FAM227A: variants seen among roughly 807,000 people sequenced by gnomAD.
FAM227A encodes protein FAM227A.
A neutral mutation model predicts 74.7 loss-of-function variants in FAM227A; 80 were observed. That is an observed-to-expected ratio of 1.07 (90% CI 0.89 to 1.29). The LOEUF (loss-of-function observed/expected upper bound fraction) is 1.29, where lower values mean the gene tolerates loss of function less well. FAM227A is among the 50% of genes most tolerant of loss of function. The probability of loss-of-function intolerance (pLI) is 0.00; values close to 1 mark genes in which losing one functional copy is unlikely to be tolerated. For missense variants in FAM227A, 654 were observed against 683.4 expected (o/e 0.96, Z 0.48); for synonymous variants, 237 against 241.8 (o/e 0.98, Z 0.19).
chr22:38,588,705 G>A (rs1384295010), intron 16 of FAM227A, among the ~76,000 whole-genome samples: 4 of 148,918 alleles, frequency 2.7e-5, no homozygotes, highest in Non-Finnish European at 5.9e-5. Flanking sequence ...GGTGGATCAC[G>A]AGGTCAGGAG....
chr22:38,626,336 C>G lies in FAM227A; in HGVS notation c.727-33G>C, dbSNP rs1415092878. ...GCAAGCCGAGCTCAGGCAACGTTCT[C>G]AACATTTCCACCCGGCTTACATGAT... is the stretch of plus-strand genomic sequence containing the variant. On this transcript the variant is annotated intron_variant, in intron 8 of 16. Transcript: ENST00000535113. The G allele has an allele frequency of 3.2e-6, 5 of 1,539,802 alleles. No individual in the cohort carries two copies. In the East Asian group the frequency reaches 1.2e-4, roughly 38 times the overall value.
chr22:38,649,088 G>A (rs900006057), intron 2 of FAM227A, among the ~76,000 whole-genome samples: 23 of 152,142 alleles, frequency 1.5e-4, no homozygotes, highest in African/African-American at 5.1e-4. Context: ...AGATAGAAGG[G>A]AAAGATGGCA....
intron 5 of FAM227A, among the ~76,000 whole-genome samples, chr22:38,637,203 A>G (rs1270084300): frequency 6.6e-6 from 1 of 152,156 alleles, no homozygotes; most frequent in Non-Finnish European, 1.5e-5. Context: ...GTCCTGCTTT[A>G]TCTACTTCAC....
chr22:38,590,225 A>C (rs939115868), intron 16 of FAM227A, among the ~76,000 whole-genome samples: 1 of 148,634 alleles, frequency 6.7e-6, no homozygotes, highest in Non-Finnish European at 1.5e-5. Context: ...AGTTGCAGTG[A>C]GCCAAGATTG....
intron 6 of FAM227A, among the ~76,000 whole-genome samples, chr22:38,631,182 A>AAAC (rs1185082246): frequency 2.0e-5 from 3 of 152,124 alleles, no homozygotes; most frequent in African/African-American, 7.2e-5. Context: ...AAACAAAACA[A>AAAC]AACAAAAACT....
chr22:38,633,142 G>C (rs1384878833), intron 6 of FAM227A, among the ~76,000 whole-genome samples: 3 of 152,208 alleles, frequency 2.0e-5, no homozygotes, highest in African/African-American at 7.2e-5. Flanking sequence ...GAGAGGATTT[G>C]AGGAGGTGAG....
At chr22:38,631,132 T>C (rs1404793229) in intron 6 of FAM227A, among the ~76,000 whole-genome samples, 1 of 152,072 alleles carries the variant, frequency 6.6e-6, no homozygotes, top group African/African-American at 2.4e-5. Context: ...TGCACCACTC[T>C]ACTCCAGCCT....
At position 38,638,824 on chromosome 22, in the gene FAM227A, T is replaced by C; in HGVS notation, c.296-2A>G. On this transcript the variant is annotated splice_acceptor_variant, in intron 4 of 16. Transcript: ENST00000535113. LOFTEE classifies it high-confidence loss of function. ...ACTGAGATTTCCTTTGTCTCTTGAC[T>C]GCAGAAAAATGGAGAAAGAGATAAA... 6.5e-7 allele frequency: 1 copy of C among 1,527,432 alleles called. No individual in the cohort carries two copies. Among genetic ancestry groups the C allele is most frequent in the Non-Finnish European group, 8.8e-7 (1 of 1,136,082 alleles). The allele number at this position is 1,527,432 out of a possible 1,614,324, so 94.6% of individuals were successfully genotyped here. A position where few individuals can be genotyped will look rare whatever the true frequency, so the allele number is the denominator to read the frequency against.
chr22:38,591,604 T>C (rs1353385827), intron 15 of FAM227A, 64 bp from the exon 16 acceptor site: 2 of 1,165,698 alleles, frequency 1.7e-6, no homozygotes, highest in African/African-American at 3.1e-5. Flanking sequence ...CTCAATGTTC[T>C]GTATGTCCTA....
At chr22:38,595,057 C>T (rs1367651544) in intron 15 of FAM227A, among the ~76,000 whole-genome samples, 1 of 152,104 alleles carries the variant, frequency 6.6e-6, no homozygotes, top group Non-Finnish European at 1.5e-5. Flanking sequence ...GAGATTGCAC[C>T]ACTGCAATGC....
chr22:38,587,553 A>G lies in FAM227A; in HGVS notation c.1639-1354T>C, dbSNP rs180975866. On this transcript the variant is annotated intron_variant, in intron 16 of 16. Coordinates refer to ENST00000535113, the MANE Select transcript of FAM227A (RefSeq NM_001013647.2). ...AAAAATAAAAATTCTGCATAGACTT[A>G]TAACAAATAAAACGATTGAATCAAT... Among the ~76,000 whole-genome samples the G allele has an allele frequency of 8.6e-3, 1,306 of 152,346 alleles. 14 individuals carry two copies. The highest frequency in any genetic ancestry group is 0.03 in the African/African-American group (1,229 of 41,582).
chr22:38,599,612 C>G (rs1385433714), intron 14 of FAM227A, 152 bp downstream of exon 14: 1 of 595,118 alleles, frequency 1.7e-6, no homozygotes, highest in South Asian at 4.0e-5. Flanking sequence ...GATTCTGACC[C>G]TGAGGCTCGC....
chr22:38,598,535 T>C (rs187024574), intron 14 of FAM227A, among the ~76,000 whole-genome samples: 2 of 152,340 alleles, frequency 1.3e-5, no homozygotes, highest in Non-Finnish European at 2.9e-5. Context: ...GAGTTGTTGT[T>C]ATTACTCTCT....
intron 2 of FAM227A, among the ~76,000 whole-genome samples, chr22:38,646,816 T>C (rs1338447760): frequency 6.6e-6 from 1 of 152,082 alleles, no homozygotes; most frequent in Non-Finnish European, 1.5e-5. Context: ...AACTGTTCCT[T>C]GGATATTGAA....
intron 3 of FAM227A, among the ~76,000 whole-genome samples, chr22:38,641,434 C>T (rs191215521): frequency 5.9e-4 from 90 of 152,044 alleles, no homozygotes; most frequent in South Asian, 2.1e-3. Context: ...TGCCTATAAT[C>T]CCACTACTTG....
intron 1 of FAM227A, among the ~76,000 whole-genome samples, chr22:38,654,273 A>G (rs1024679553): frequency 1.3e-5 from 2 of 152,008 alleles, no homozygotes; most frequent in African/African-American, 2.4e-5. Context: ...GCTTGAACCC[A>G]GGAGGCGGAG....
At chr22:38,604,934 T>C (rs1032472169) in intron 13 of FAM227A, among the ~76,000 whole-genome samples, 3 of 152,204 alleles carry the variant, frequency 2.0e-5, no homozygotes, top group Non-Finnish European at 4.4e-5. Flanking sequence ...ATTACAGGCA[T>C]GAACCACTGC....
chr22:38,601,668 T>C (rs2091181409), intron 13 of FAM227A, among the ~76,000 whole-genome samples: 1 of 152,084 alleles, frequency 6.6e-6, no homozygotes, highest in Non-Finnish European at 1.5e-5. Flanking sequence ...GAATTGCTGA[T>C]GGGGCCCAGG....
At chr22:38,591,341 A>G (rs940418968) in intron 16 of FAM227A, 94 bp downstream of exon 16, 13 of 1,464,150 alleles carry the variant, frequency 8.9e-6, no homozygotes, top group Non-Finnish European at 1.2e-5. Context: ...AAAATAAAAT[A>G]AAATAATTAT....
Sources: gnomAD v4.1 joint callset for allele counts (sites outside exome capture counted in the v4.1 genomes callset) on GRCh38, gnomAD v4.1.1 for gene constraint, MANE v1.5 for transcripts, NCBI Gene and HGNC (gene_info 2026-07-23, HGNC 2026-07-21) for gene names.